Variants in ADGRL3 observed in about 807,000 individuals in gnomAD.
ADGRL3 encodes the protein adhesion G protein-coupled receptor L3, also known as calcium-independent alpha-latrotoxin receptor 3.
In ADGRL3, 62 loss-of-function variants were observed where a neutral mutation model predicts 153.5. The observed-to-expected ratio is 0.40, with a 90% CI of 0.33 to 0.50. ADGRL3 has a LOEUF of 0.50. ADGRL3 is among the 20% of genes least tolerant of loss of function. The pLI is 0.47. For missense variants in ADGRL3, 1,641 were observed against 1,859.4 expected, an observed-to-expected ratio of 0.88 and a Z score of 2.16; for synonymous variants, 710 against 672.5, an observed-to-expected ratio of 1.06 and a Z score of -0.86.
At chr4:61,599,614 T>A (rs1265444592) in intron 5 of ADGRL3, among the ~76,000 whole-genome samples, 1 of 152,194 alleles carries the variant, frequency 6.6e-6, no homozygotes, top group Non-Finnish European at 1.5e-5. Flanking sequence ...ATTACAGGCA[T>A]GAGCCATTGC....
intron 8 of ADGRL3, among the ~76,000 whole-genome samples, chr4:61,803,665 C>T (rs1435149176): frequency 6.6e-6 from 1 of 151,808 alleles, no homozygotes; most frequent in Admixed American, 6.6e-5. Context: ...ATGGAATGAC[C>T]ATTTTAGAAA....
chr4:61,963,132 T>TA (rs2098994135), intron 17 of ADGRL3, among the ~76,000 whole-genome samples: 2 of 151,944 alleles, frequency 1.3e-5, no homozygotes, highest in African/African-American at 4.8e-5. Context: ...AGGCTGTATT[T>TA]TTTTTTTATT....
chr4:62,051,183 TA>T (rs1560555412), intron 25 of ADGRL3, among the ~76,000 whole-genome samples: 14 of 140,808 alleles, frequency 9.9e-5, no homozygotes, highest in African/African-American at 4.2e-4. Flanking sequence ...TATATATATA[TA>T]TATATACATA....
At chr4:61,455,426 T>C (rs563079441) in intron 2 of ADGRL3, among the ~76,000 whole-genome samples, 9 of 152,326 alleles carry the variant, frequency 5.9e-5, no homozygotes, top group Non-Finnish European at 8.8e-5. Flanking sequence ...TGTCTGAGAC[T>C]GGATGCTGAG....
chr4:61,559,932 A>G (rs1399793802), intron 4 of ADGRL3, among the ~76,000 whole-genome samples: 3 of 152,058 alleles, frequency 2.0e-5, no homozygotes, highest in African/African-American at 7.2e-5. Flanking sequence ...TTATTTATTC[A>G]TGACTATTCC....
chr4:61,689,153 G>A (rs544015710), intron 6 of ADGRL3, among the ~76,000 whole-genome samples: 5 of 152,100 alleles, frequency 3.3e-5, no homozygotes, highest in African/African-American at 1.2e-4. Flanking sequence ...ACAATTTCAC[G>A]AATCATATGT....
intron 1 of ADGRL3, among the ~76,000 whole-genome samples, chr4:61,249,414 A>G (rs188445624): frequency 1.7e-3 from 260 of 152,210 alleles, no homozygotes; most frequent in African/African-American, 5.9e-3. Context: ...TGGAGAGACC[A>G]AAGCTCCTGC....
At chr4:61,225,654 A>G (rs1747596023) in intron 1 of ADGRL3, among the ~76,000 whole-genome samples, 1 of 152,220 alleles carries the variant, frequency 6.6e-6, no homozygotes, top group Non-Finnish European at 1.5e-5. Context: ...AGATTAATGT[A>G]TATTAACAGG....
At chr4:61,726,478 C>A (rs936563487) in intron 6 of ADGRL3, among the ~76,000 whole-genome samples, 7 of 152,012 alleles carry the variant, frequency 4.6e-5, no homozygotes, top group Non-Finnish European at 7.4e-5. Flanking sequence ...GGATTACAGG[C>A]GTGAGCCACC....
chr4:62,067,610 A>C (rs1743658288), intron 25 of ADGRL3, among the ~76,000 whole-genome samples: 1 of 152,032 alleles, frequency 6.6e-6, no homozygotes, highest in Admixed American at 6.6e-5. Context: ...ATATATGTAT[A>C]ATAGAGAAAT....
chr4:62,071,578 G>C lies in ADGRL3; in HGVS notation c.*670G>C. 1 of 293,590 alleles carries C rather than the reference G, an allele frequency of 3.4e-6. No homozygotes were observed. The highest frequency in any genetic ancestry group is 6.6e-6 in the Non-Finnish European group (1 of 150,794). 18.2% of individuals were successfully genotyped at this position (293,590 alleles called of 1,614,324 possible). A position where few individuals can be genotyped will look rare whatever the true frequency, so the allele number is the denominator to read the frequency against. On this transcript the variant is annotated 3_prime_UTR_variant, in exon 27 of 27. Transcript: ENST00000683033. Reference sequence around the variant, plus strand: ...ATTTCTATGTAATGTACAGATACTAGCATTGCACATATAGTCTGCTTTCTG... The same window carrying C: ...ATTTCTATGTAATGTACAGATACTACCATTGCACATATAGTCTGCTTTCTG...
intron 2 of ADGRL3, among the ~76,000 whole-genome samples, chr4:61,455,632 A>G (rs2152541875): frequency 6.6e-6 from 1 of 151,998 alleles, no homozygotes; most frequent in Middle Eastern, 3.4e-3. Flanking sequence ...CAACTACTGA[A>G]CTCTGCTATT....
At chr4:61,796,327 C>T (rs1367492991) in intron 8 of ADGRL3, among the ~76,000 whole-genome samples, 1 of 152,048 alleles carries the variant, frequency 6.6e-6, no homozygotes, top group South Asian at 2.1e-4. Flanking sequence ...CAGAGAGGCT[C>T]AGCATTTTTC....
intron 5 of ADGRL3, among the ~76,000 whole-genome samples, chr4:61,664,840 TA>T (rs1158568296): frequency 1.3e-5 from 2 of 152,170 alleles, no homozygotes; most frequent in Non-Finnish European, 2.9e-5. Flanking sequence ...TTGTGTAATA[TA>T]ATGTTGTTTG....
chr4:61,687,859 C>G (rs1307593726), intron 6 of ADGRL3, among the ~76,000 whole-genome samples: 1 of 151,904 alleles, frequency 6.6e-6, no homozygotes, highest in Non-Finnish European at 1.5e-5. Flanking sequence ...GAATTAAATA[C>G]ATATTTATTG....
intron 4 of ADGRL3, among the ~76,000 whole-genome samples, chr4:61,543,877 A>G (rs2098701944): frequency 6.6e-6 from 1 of 152,196 alleles, no homozygotes; most frequent in Non-Finnish European, 1.5e-5. Context: ...CATTATTTGA[A>G]TATTTCACTG....
intron 6 of ADGRL3, among the ~76,000 whole-genome samples, chr4:61,710,142 A>G (rs536461049): frequency 6.6e-6 from 1 of 152,330 alleles, no homozygotes; most frequent in African/African-American, 2.4e-5. Flanking sequence ...CTTTAAACGC[A>G]GTTCTGAAGT....
chr4:61,936,781 TACACACAC>T (rs71666904), intron 15 of ADGRL3, among the ~76,000 whole-genome samples: 5 of 138,734 alleles, frequency 3.6e-5, no homozygotes, highest in African/African-American at 8.1e-5. Context: ...TACATATGCA[TACACACAC>T]ACACACACAC....
Position 61,846,844 on chromosome 4 carries a change from G to C in ADGRL3, c.1480+32955G>C, listed in dbSNP as rs941797205. 7.9e-5 allele frequency among the ~76,000 whole-genome samples: 12 copies of C among 151,798 alleles called. 1 individual carries two copies. The highest frequency in any genetic ancestry group is 7.9e-4 in the Admixed American group (12 of 15,206). On this transcript the variant is annotated intron_variant, in intron 9 of 26. Coordinates refer to ENST00000683033, the MANE Select transcript of ADGRL3 (RefSeq NM_001387552.1). ...AGGAGTGAGCAAGCAAGGTGGGGTG[G>C]GGCGGGAAGAAGGAGAGGTGCCACA... is the stretch of plus-strand genomic sequence containing the variant.
Sources: allele counts gnomAD v4.1 joint callset (sites outside exome capture counted in the v4.1 genomes callset), GRCh38; gene constraint gnomAD v4.1.1; transcripts MANE v1.5; gene names NCBI Gene and HGNC (gene_info 2026-07-23, HGNC 2026-07-21).